The following GAB4 variants were observed in gnomAD, a reference collection of about 807,000 sequenced individuals.
The protein encoded by GAB4 is GRB2-associated-binding protein 4.
GAB4 carries 26 observed loss-of-function variants against 51.3 expected under a neutral mutation model. That is an observed-to-expected ratio of 0.51 (90% CI 0.37 to 0.70). GAB4 has a LOEUF of 0.70. GAB4 is among the 30% of genes least tolerant of loss of function. The probability of loss-of-function intolerance (pLI) is 0.00; values close to 1 mark genes in which losing one functional copy is unlikely to be tolerated. For synonymous variants in GAB4, 329 were observed against 291.2 expected (o/e 1.13, Z -1.32); for missense variants, 759 against 734.6 (o/e 1.03, Z -0.38).
intron 1 of GAB4, among the ~76,000 whole-genome samples, chr22:16,999,724 T>G (rs2060980699): frequency 6.6e-6 from 1 of 152,242 alleles, no homozygotes; most frequent in South Asian, 2.1e-4. Context: ...TTCTTTTAAT[T>G]GTGATATTAG....
chr22:16,984,928 G>T (rs530798740), intron 3 of GAB4, among the ~76,000 whole-genome samples: 1 of 152,324 alleles, frequency 6.6e-6, no homozygotes, highest in African/African-American at 2.4e-5. Context: ...CCACTGTGCT[G>T]CTTTGTGTGG....
At chr22:16,967,539 C>A (rs184803294) in intron 5 of GAB4, 14 of 152,362 alleles carry the variant, frequency 9.2e-5, no homozygotes, top group Non-Finnish European at 1.9e-4. Flanking sequence ...TTCCTCTCCC[C>A]CAATGGCTGT....
chr22:16,994,660 T>C (rs2060937550), intron 1 of GAB4, among the ~76,000 whole-genome samples: 1 of 152,238 alleles, frequency 6.6e-6, no homozygotes, highest in South Asian at 2.1e-4. Context: ...TATATTCACC[T>C]AGCTCTGGGA....
intron 4 of GAB4, 199 bp downstream of exon 4, chr22:16,969,744 T>A: frequency 1.4e-6 from 1 of 693,264 alleles, no homozygotes; most frequent in Non-Finnish European, 2.5e-6. Context: ...TGCTTCTGCC[T>A]GACTTGCCTT....
At chr22:16,996,656 A>G (rs1308054494) in intron 1 of GAB4, among the ~76,000 whole-genome samples, 2 of 151,980 alleles carry the variant, frequency 1.3e-5, no homozygotes, top group African/African-American at 4.8e-5. Flanking sequence ...GCCAATATTC[A>G]ACATTCTTTT....
chr22:16,995,621 C>A (rs1317798291), intron 1 of GAB4, among the ~76,000 whole-genome samples: 1 of 152,204 alleles, frequency 6.6e-6, no homozygotes, highest in Non-Finnish European at 1.5e-5. Context: ...AAGGAGCAGG[C>A]AGCAATCTTT....
intron 3 of GAB4, among the ~76,000 whole-genome samples, chr22:16,971,043 A>T (rs2060726719): frequency 6.6e-6 from 1 of 152,058 alleles, no homozygotes; most frequent in African/African-American, 2.4e-5. Flanking sequence ...CAAAAAAAAA[A>T]AAAAATTAGC....
At position 16,991,821 on chromosome 22, in the gene GAB4, G is replaced by A. The variant is rs532153688; in HGVS notation, c.478+52C>T. Reference sequence around the variant, plus strand: ...AGAGCTGCCCTCCTTGCTGGAGATTGGAGGGCCTCATCTCAGCCCCTCCTG... The same window carrying A: ...AGAGCTGCCCTCCTTGCTGGAGATTAGAGGGCCTCATCTCAGCCCCTCCTG... On this transcript the variant is annotated intron_variant, in intron 2 of 9. Coordinates refer to ENST00000400588, the MANE Select transcript of GAB4 (RefSeq NM_001037814.1). 1.4e-5 allele frequency: 20 copies of A among 1,436,132 alleles called. No individual in the cohort carries two copies. In the African/African-American group the frequency reaches 2.7e-4, roughly 19 times the overall value. The allele number at this position is 1,436,132 out of a possible 1,614,324, so 89.0% of individuals were successfully genotyped here.
At chr22:16,997,082 T>C (rs1215578314) in intron 1 of GAB4, among the ~76,000 whole-genome samples, 3 of 152,150 alleles carry the variant, frequency 2.0e-5, no homozygotes, top group African/African-American at 7.2e-5. Context: ...TTTGCTATTG[T>C]GAATAGTGCC....
chr22:16,992,897 A>G (rs1353508158), intron 1 of GAB4, among the ~76,000 whole-genome samples: 1 of 152,032 alleles, frequency 6.6e-6, no homozygotes, highest in Non-Finnish European at 1.5e-5. Context: ...ATTCTTTAAT[A>G]TATTTTTTTG....
intron 3 of GAB4, among the ~76,000 whole-genome samples, chr22:16,981,802 A>G (rs2060829449): frequency 6.6e-6 from 1 of 152,202 alleles, no homozygotes; most frequent in Non-Finnish European, 1.5e-5. Flanking sequence ...AGACAAAGAT[A>G]CAACAAAAAA....
At chr22:17,000,176 G>A (rs889130701) in intron 1 of GAB4, among the ~76,000 whole-genome samples, 1 of 152,216 alleles carries the variant, frequency 6.6e-6, no homozygotes, top group African/African-American at 2.4e-5. Context: ...GTAGAGCTGA[G>A]TTCAATTCCT....
intron 3 of GAB4, among the ~76,000 whole-genome samples, chr22:16,973,238 G>C (rs937537550): frequency 7.2e-5 from 11 of 152,208 alleles, no homozygotes; most frequent in African/African-American, 2.7e-4. Context: ...ACCAGACTAT[G>C]ATTTCCCTGA....
At chr22:16,980,317 A>T (rs1412174862) in intron 3 of GAB4, among the ~76,000 whole-genome samples, 1 of 152,242 alleles carries the variant, frequency 6.6e-6, no homozygotes, top group Non-Finnish European at 1.5e-5. Context: ...ATTTACAAGA[A>T]AAATCCAAAC....
chr22:16,977,353 A>C (rs1040132748), intron 3 of GAB4, among the ~76,000 whole-genome samples: 17 of 151,992 alleles, frequency 1.1e-4, no homozygotes, highest in African/African-American at 4.1e-4. Flanking sequence ...GAAAGCAAAA[A>C]AAAAAAAAGC....
At chr22:16,979,036 A>T (rs545627821) in intron 3 of GAB4, among the ~76,000 whole-genome samples, 3 of 152,346 alleles carry the variant, frequency 2.0e-5, no homozygotes, top group African/African-American at 7.2e-5. Context: ...GTATCTCAAA[A>T]TAATAAGAGC....
At chr22:16,979,320 AC>A (rs1231583782) in intron 3 of GAB4, among the ~76,000 whole-genome samples, 6 of 152,242 alleles carry the variant, frequency 3.9e-5, no homozygotes, top group African/African-American at 1.2e-4. Context: ...CTGATAAACA[AC>A]TTCAGTGAAG....
chr22:16,998,340 C>A (rs180767153), intron 1 of GAB4, among the ~76,000 whole-genome samples: 1 of 152,262 alleles, frequency 6.6e-6, no homozygotes, highest in Non-Finnish European at 1.5e-5. Context: ...TTCTGTAGTT[C>A]TCCTGGAAGA....
At chr22:17,004,235 T>C (rs2123729422) in intron 1 of GAB4, among the ~76,000 whole-genome samples, 1 of 152,244 alleles carries the variant, frequency 6.6e-6, no homozygotes, top group South Asian at 2.1e-4. Context: ...TCACAGCCGA[T>C]TTCTACCAGA....
Sources: gnomAD v4.1 joint callset for allele counts (sites outside exome capture counted in the v4.1 genomes callset) on GRCh38, gnomAD v4.1.1 for gene constraint, MANE v1.5 for transcripts, NCBI Gene and HGNC (gene_info 2026-07-23, HGNC 2026-07-21) for gene names.